CA10: variants seen among roughly 807,000 people sequenced by gnomAD.
CA10 encodes carbonic anhydrase 10 (inactive), also known as carbonic anhydrase-related protein 10.
In CA10, 14 loss-of-function variants were observed where a neutral mutation model predicts 44.2. The observed-to-expected ratio is 0.32, with a 90% CI of 0.21 to 0.50. The LOEUF is 0.50. Ranked by LOEUF, CA10 falls within the 20% of genes least tolerant of loss-of-function variation. The pLI is 0.99. For missense variants in CA10, 350 were observed against 409.7 expected (o/e 0.85, Z 1.26); for synonymous variants, 159 against 141.6 (o/e 1.12, Z -0.87).
At chr17:51,774,150 G>GTCA (rs1567835104) in intron 3 of CA10, among the ~76,000 whole-genome samples, 1 of 152,134 alleles carries the variant, frequency 6.6e-6, no homozygotes, top group Non-Finnish European at 1.5e-5. Context: ...TAATCACGTT[G>GTCA]TCATGCCTGT....
At chr17:51,666,320 A>G (rs2143331408) in intron 4 of CA10, among the ~76,000 whole-genome samples, 1 of 152,338 alleles carries the variant, frequency 6.6e-6, no homozygotes, top group Admixed American at 6.5e-5. Context: ...GAAAAAGGTA[A>G]GGACAGACCA....
rs546397188 is a variant in CA10 at position 51,970,060 on chromosome 17, C to T, written c.137-38928G>A. Among the ~76,000 whole-genome samples the T allele has an allele frequency of 8.6e-5, 13 of 152,010 alleles. No individual in the cohort carries two copies. In the South Asian group the frequency reaches 2.7e-3, roughly 32 times the overall value. On this transcript the variant is annotated intron_variant, in intron 2 of 8. Coordinates refer to ENST00000451037, the MANE Select transcript of CA10 (RefSeq NM_020178.5). The stretch of plus-strand genomic sequence containing the variant: ...AGGAGTGGAAAGGGGAAAGATGGAA[C>T]GCACACCTCAGGCCAATGTAGATTT...
chr17:51,749,924 C>T (rs1419473966), intron 3 of CA10, among the ~76,000 whole-genome samples: 1 of 152,176 alleles, frequency 6.6e-6, no homozygotes, highest in East Asian at 1.9e-4. Flanking sequence ...ATATTCTACA[C>T]CTTACCAATA....
intron 2 of CA10, among the ~76,000 whole-genome samples, chr17:52,047,781 A>C (rs966214215): frequency 6.6e-6 from 1 of 151,996 alleles, no homozygotes; most frequent in African/African-American, 2.4e-5. Context: ...AAAACTACAA[A>C]ATTAAAACCT....
At chr17:51,667,033 T>C (rs1466043171) in intron 4 of CA10, among the ~76,000 whole-genome samples, 1 of 152,178 alleles carries the variant, frequency 6.6e-6, no homozygotes, top group Non-Finnish European at 1.5e-5. Context: ...ATAAAAGCAA[T>C]GATTCAGGAA....
chr17:52,084,107 G>A (rs1397527113), intron 1 of CA10, among the ~76,000 whole-genome samples: 1 of 152,110 alleles, frequency 6.6e-6, no homozygotes, highest in Non-Finnish European at 1.5e-5. Context: ...AGAAACTTGG[G>A]GAACAGAATA....
chr17:51,931,268 G>A, intron 2 of CA10, 136 bp from the exon 3 acceptor site: 2 of 776,836 alleles, frequency 2.6e-6, no homozygotes, highest in Non-Finnish European at 4.1e-6. Context: ...ATCCTTGGGG[G>A]TTGCTATGGT....
At chr17:51,771,493 A>T (rs895707013) in intron 3 of CA10, among the ~76,000 whole-genome samples, 1 of 152,142 alleles carries the variant, frequency 6.6e-6, no homozygotes, top group Non-Finnish European at 1.5e-5. Context: ...GAGTTTTCCC[A>T]TGCCACACCC....
chr17:51,676,416 G>A (rs1597979145), intron 4 of CA10, among the ~76,000 whole-genome samples: 1 of 152,118 alleles, frequency 6.6e-6, no homozygotes, highest in African/African-American at 2.4e-5. Context: ...TGCTGTGAGT[G>A]GCACCATCAG....
chr17:52,123,769 T>A (rs2143325396), intron 1 of CA10, among the ~76,000 whole-genome samples: 1 of 152,344 alleles, frequency 6.6e-6, no homozygotes, highest in East Asian at 1.9e-4. Flanking sequence ...ACAGACTCAA[T>A]GCATATTTAT....
At chr17:52,135,045 GTCGCCTGTGAGA>G in intron 1 of CA10, 1 of 494,704 alleles carries the variant, frequency 2.0e-6, no homozygotes, top group African/African-American at 2.0e-5. Flanking sequence ...CCCTCCTGAG[GTCGCCTGTGAGA>G]AATAAAAATG....
intron 4 of CA10, among the ~76,000 whole-genome samples, chr17:51,672,317 C>T (rs537536684): frequency 2.6e-5 from 4 of 152,272 alleles, no homozygotes; most frequent in Middle Eastern, 3.4e-3. Flanking sequence ...CCCTAGCAGC[C>T]CATGGTTTTA....
intron 1 of CA10, among the ~76,000 whole-genome samples, chr17:52,141,409 C>A (rs557609968): frequency 2.3e-4 from 35 of 152,300 alleles, no homozygotes; most frequent in Non-Finnish European, 4.3e-4. Flanking sequence ...ATGTAAAATT[C>A]AATCAATCCC....
At position 51,692,669 on chromosome 17, in the gene CA10, C is replaced by G. The variant is rs371904887; in HGVS notation, c.466-38933G>C. 2.5e-4 allele frequency among the ~76,000 whole-genome samples: 38 copies of G among 151,692 alleles called. No individual in the cohort carries two copies. The South Asian group carries it at 7.7e-3, about 31-fold the overall frequency. ...ATAGTATTTCATTGTGTAGATGCACCATGGTTAATCCATTAATTATTGGCC... is the reference window on the plus strand; with the variant it reads ...ATAGTATTTCATTGTGTAGATGCACGATGGTTAATCCATTAATTATTGGCC... On this transcript the variant is annotated intron_variant, in intron 4 of 8. Coordinates refer to ENST00000451037, the MANE Select transcript of CA10 (RefSeq NM_020178.5).
intron 4 of CA10, among the ~76,000 whole-genome samples, chr17:51,663,318 C>T (rs1029471313): frequency 0.23 from 26 of 112 alleles, no homozygotes; most frequent in Non-Finnish European, 0.28. Context: ...GTGGGATGAG[C>T]CTCCTGCACG....
In CA10 at chr17:51,915,337, G is replaced by A. The variant is rs540020217; in HGVS notation, c.279+15653C>T. On this transcript the variant is annotated intron_variant, in intron 3 of 8. Transcript: ENST00000451037. ...TTGAATGCCTCCTTTAGAAGTCTCT[G>A]TTATTAATTCACCTCTGAAAGGTGA... 2.0e-5 allele frequency among the ~76,000 whole-genome samples: 3 copies of A among 152,244 alleles called. No individual in the cohort carries two copies. The South Asian group carries it at 6.2e-4, about 32-fold the overall frequency.
chr17:51,860,925 A>C (rs1292934057), intron 3 of CA10, among the ~76,000 whole-genome samples: 1 of 152,162 alleles, frequency 6.6e-6, no homozygotes, highest in Non-Finnish European at 1.5e-5. Context: ...TACTCCCCAC[A>C]ACCTGTGGGC....
At chr17:51,752,350 G>C (rs1296173093) in intron 3 of CA10, among the ~76,000 whole-genome samples, 1 of 151,674 alleles carries the variant, frequency 6.6e-6, no homozygotes, top group Admixed American at 6.6e-5. Flanking sequence ...ATACAGACCA[G>C]GAAACAAAAC....
intron 2 of CA10, among the ~76,000 whole-genome samples, chr17:51,949,402 C>T (rs1356340770): frequency 6.6e-6 from 1 of 152,162 alleles, no homozygotes; most frequent in Non-Finnish European, 1.5e-5. Context: ...CAAACTCATT[C>T]ATGAATTAAT....
Sources: gnomAD v4.1 joint callset for allele counts (sites outside exome capture counted in the v4.1 genomes callset) on GRCh38, gnomAD v4.1.1 for gene constraint, MANE v1.5 for transcripts, NCBI Gene and HGNC (gene_info 2026-07-23, HGNC 2026-07-21) for gene names.